RANBP2: variants seen among roughly 807,000 people sequenced by gnomAD.
The protein encoded by RANBP2 is E3 SUMO-protein ligase RanBP2.
Under a neutral mutation model 303.6 loss-of-function variants are expected in RANBP2, and 57 were observed. That is an observed-to-expected ratio of 0.19 (90% CI 0.15 to 0.23). The LOEUF is 0.23. Ranked by LOEUF, RANBP2 falls within the 10% of genes least tolerant of loss-of-function variation. The pLI is 1.00. For synonymous variants in RANBP2, 1,167 were observed against 1,301.5 expected, an observed-to-expected ratio of 0.90 and a Z score of 2.23; for missense variants, 3,138 against 3,780.8, an observed-to-expected ratio of 0.83 and a Z score of 4.46.
the RANBP2 span, among the ~76,000 whole-genome samples, chr2:109,520,943 A>G: frequency 6.6e-6 from 1 of 151,238 alleles, no homozygotes; most frequent in African/African-American, 2.4e-5. Flanking sequence ...CTCAAAAAAA[A>G]AAAAGGCCGG....
chr2:108,728,054 C>T (rs1694869480), intron 1 of RANBP2, among the ~76,000 whole-genome samples: 2 of 152,184 alleles, frequency 1.3e-5, no homozygotes, highest in South Asian at 2.1e-4. Context: ...GAGAACAGTA[C>T]ATGGACCAGG....
the RANBP2 span, among the ~76,000 whole-genome samples, chr2:109,621,914 A>AAAATAAATAAATAAATAAATAAATAAAT: frequency 6.8e-6 from 1 of 146,486 alleles, no homozygotes; most frequent in Non-Finnish European, 1.5e-5. Context: ...CTCCATCTCA[A>AAAATAAATAAATAAATAAATAAATAAAT]AAATAAATAA....
At chr2:108,805,866 G>T in the RANBP2 span, among the ~76,000 whole-genome samples, 1 of 152,302 alleles carries the variant, frequency 6.6e-6, no homozygotes, top group East Asian at 1.9e-4. Flanking sequence ...GTATGTTAAA[G>T]AGAGACAAGA....
chr2:109,575,032 T>C, the RANBP2 span, among the ~76,000 whole-genome samples: 1 of 152,226 alleles, frequency 6.6e-6, no homozygotes, highest in Non-Finnish European at 1.5e-5. Context: ...CATATCCCAA[T>C]AAACCTATCA....
chr2:109,050,704 T>C, the RANBP2 span, among the ~76,000 whole-genome samples: 1 of 151,992 alleles, frequency 6.6e-6, no homozygotes, highest in Admixed American at 6.6e-5. Context: ...AACACTTAAC[T>C]GTAAATATCA....
chr2:109,442,435 T>C, the RANBP2 span, among the ~76,000 whole-genome samples: 1 of 152,062 alleles, frequency 6.6e-6, no homozygotes, highest in African/African-American at 2.4e-5. Flanking sequence ...GCACTGGAAA[T>C]GGTAACTACA....
the RANBP2 span, among the ~76,000 whole-genome samples, chr2:109,409,357 G>A: frequency 6.6e-6 from 1 of 152,168 alleles, no homozygotes; most frequent in Non-Finnish European, 1.5e-5. Context: ...AGTATCTGCC[G>A]CAGTGACTCA....
the RANBP2 span, among the ~76,000 whole-genome samples, chr2:108,921,310 C>G: frequency 6.6e-6 from 1 of 152,196 alleles, no homozygotes; most frequent in Non-Finnish European, 1.5e-5. Flanking sequence ...GACCCATTGT[C>G]TGCTGTAGCT....
At chr2:109,210,537 T>G in the RANBP2 span, among the ~76,000 whole-genome samples, 1 of 152,130 alleles carries the variant, frequency 6.6e-6, no homozygotes, top group African/African-American at 2.4e-5. Flanking sequence ...AGATGGGACA[T>G]CTGGGGCTTT....
the RANBP2 span, among the ~76,000 whole-genome samples, chr2:108,978,019 C>T: frequency 6.6e-6 from 1 of 152,324 alleles, no homozygotes; most frequent in South Asian, 2.1e-4. Context: ...CCAACTTCAT[C>T]CACAGAACAG....
the RANBP2 span, among the ~76,000 whole-genome samples, chr2:109,661,846 T>TC: frequency 6.6e-6 from 1 of 152,224 alleles, no homozygotes; most frequent in East Asian, 1.9e-4. Flanking sequence ...TTTCTTCCTC[T>TC]GGTAATAGTA....
the RANBP2 span, among the ~76,000 whole-genome samples, chr2:109,505,219 AG>A: frequency 6.6e-6 from 1 of 152,204 alleles, no homozygotes; most frequent in Admixed American, 6.5e-5. Context: ...CCAATCAGCC[AG>A]CCTGACACCT....
the RANBP2 span, among the ~76,000 whole-genome samples, chr2:109,074,700 AAAT>A: frequency 3.3e-5 from 5 of 149,402 alleles, no homozygotes; most frequent in Non-Finnish European, 3.0e-5. Flanking sequence ...ACTGCATCTC[AAAT>A]AATAATAATA....
the RANBP2 span, among the ~76,000 whole-genome samples, chr2:109,171,807 G>A: frequency 3.7e-4 from 56 of 152,368 alleles, no homozygotes; most frequent in African/African-American, 1.3e-3. Flanking sequence ...GCGGGGAGTG[G>A]CTGCCTGCCC....
At chr2:108,721,934 TATC>T (rs1160802113) in intron 1 of RANBP2, among the ~76,000 whole-genome samples, 6 of 151,018 alleles carry the variant, frequency 4.0e-5, no homozygotes, top group Admixed American at 1.3e-4. Context: ...GACGGGGTCT[TATC>T]ATGTTACCCA....
chr2:108,820,882 T>G, the RANBP2 span, among the ~76,000 whole-genome samples: 34 of 152,050 alleles, frequency 2.2e-4, no homozygotes, highest in African/African-American at 8.0e-4. Flanking sequence ...CACAGCAACA[T>G]GAAGCCATAT....
the RANBP2 span, chr2:109,615,592 T>G: frequency 6.2e-7 from 1 of 1,613,572 alleles, no homozygotes; most frequent in Non-Finnish European, 8.5e-7. Flanking sequence ...GACGCCGATG[T>G]GGACATCAGG....
chr2:109,603,927 C>T, the RANBP2 span, among the ~76,000 whole-genome samples: 11 of 151,556 alleles, frequency 7.3e-5, no homozygotes, highest in South Asian at 6.3e-4. Flanking sequence ...TTTGGGAGGC[C>T]GAGGCGGGCG....
At chr2:108,804,820 C>T in the RANBP2 span, 14 of 1,318,874 alleles carry the variant, frequency 1.1e-5, no homozygotes, top group Admixed American at 3.0e-5. Context: ...AATTAATTCA[C>T]GTTCCATAGT....
Sources: gnomAD v4.1 joint callset for allele counts (sites outside exome capture counted in the v4.1 genomes callset) on GRCh38, gnomAD v4.1.1 for gene constraint, MANE v1.5 for transcripts, NCBI Gene and HGNC (gene_info 2026-07-23, HGNC 2026-07-21) for gene names.